Variants in FBXL7 observed in about 807,000 individuals in gnomAD.
FBXL7 encodes the protein F-box and leucine rich repeat protein 7, also known as F-box/LRR-repeat protein 7.
In FBXL7, 12 loss-of-function variants were observed where a neutral mutation model predicts 38.3. The observed-to-expected ratio is 0.31, with a 90% CI of 0.20 to 0.51. The LOEUF is 0.51. FBXL7 is among the 20% of genes least tolerant of loss of function. The pLI is 0.98. For missense variants in FBXL7, 567 were observed against 676.4 expected (o/e 0.84, Z 1.79); for synonymous variants, 297 against 300.9 (o/e 0.99, Z 0.13).
chr5:15,787,066 A>G (rs1420502196), intron 2 of FBXL7, among the ~76,000 whole-genome samples: 2 of 152,214 alleles, frequency 1.3e-5, no homozygotes, highest in Admixed American at 6.5e-5. Flanking sequence ...TGGGGCCACC[A>G]GCAGCTGGAA....
chr5:15,817,679 C>T (rs1738054929), intron 2 of FBXL7, among the ~76,000 whole-genome samples: 2 of 152,094 alleles, frequency 1.3e-5, no homozygotes, highest in South Asian at 4.1e-4. Flanking sequence ...CCATAAAAGG[C>T]AGTTCCCCTG....
intron 2 of FBXL7, among the ~76,000 whole-genome samples, chr5:15,888,004 GAAT>G (rs1351557501): frequency 6.6e-6 from 1 of 152,056 alleles, no homozygotes; most frequent in Non-Finnish European, 1.5e-5. Flanking sequence ...CAAAAGTTCA[GAAT>G]ATCCTTGAAC....
chr5:15,872,446 G>T (rs1199018130), intron 2 of FBXL7, among the ~76,000 whole-genome samples: 1 of 152,090 alleles, frequency 6.6e-6, no homozygotes, highest in Non-Finnish European at 1.5e-5. Context: ...AACCTTAAAT[G>T]TAAATGGACT....
chr5:15,617,208 G>T (rs2126520877), intron 2 of FBXL7, among the ~76,000 whole-genome samples: 1 of 152,314 alleles, frequency 6.6e-6, no homozygotes, highest in Middle Eastern at 3.4e-3. Context: ...TTTACAACTG[G>T]ATTATATTCT....
chr5:15,858,668 C>T (rs1175652280), intron 2 of FBXL7, among the ~76,000 whole-genome samples: 1 of 152,160 alleles, frequency 6.6e-6, no homozygotes. Context: ...AGGGAGCAAG[C>T]TACCTCGGCC....
At chr5:15,921,593 G>A (rs1352682343) in intron 2 of FBXL7, among the ~76,000 whole-genome samples, 1 of 152,094 alleles carries the variant, frequency 6.6e-6, no homozygotes, top group East Asian at 1.9e-4. Context: ...CTGCCTGCTG[G>A]AAGATAAGGG....
Position 15,936,598 on chromosome 5 carries a change from C to T in FBXL7, c.888C>T (p.His296=), listed in dbSNP as rs758947908. 9 of 1,611,212 alleles carry T rather than the reference C, an allele frequency of 5.6e-6. No homozygotes were observed. In the South Asian group the frequency reaches 9.9e-5, roughly 18 times the overall value. ...EDEGLHTIAA[H]CTQLTHLYLR... ...AAGGCCTGCACACCATCGCGGCGCA[C>T]TGCACGCAGCTCACCCACCTCTACC... is the stretch of plus-strand genomic sequence containing the variant. Residue 296 remains histidine, a synonymous_variant, in exon 4 of 4, where the codon CAC becomes CAT. Coordinates refer to ENST00000504595, the MANE Select transcript of FBXL7 (RefSeq NM_012304.5). This position sits in a 1 kb window ranked among gnomAD's most constrained non-coding sequence, Gnocchi z 6.0.
chr5:15,867,556 GC>G (rs1333950103), intron 2 of FBXL7, among the ~76,000 whole-genome samples: 3 of 152,128 alleles, frequency 2.0e-5, no homozygotes, highest in Non-Finnish European at 4.4e-5. Flanking sequence ...TACAATAATG[GC>G]CCCCAAAGTG....
intron 2 of FBXL7, among the ~76,000 whole-genome samples, chr5:15,859,497 A>C: frequency 6.6e-6 from 1 of 152,202 alleles, no homozygotes; most frequent in Non-Finnish European, 1.5e-5. Context: ...TGATAAAGGA[A>C]AGGGTTTTAA....
chr5:15,519,198 GC>G (rs1376677150), intron 1 of FBXL7, among the ~76,000 whole-genome samples: 2 of 152,028 alleles, frequency 1.3e-5, no homozygotes, highest in Non-Finnish European at 2.9e-5. Context: ...AAAAAAATTA[GC>G]TGGGTGTGGT....
intron 2 of FBXL7, among the ~76,000 whole-genome samples, chr5:15,657,665 C>A (rs1401625397): frequency 1.3e-5 from 2 of 152,050 alleles, no homozygotes; most frequent in Non-Finnish European, 2.9e-5. Flanking sequence ...GAAACCAACA[C>A]TGTCTCTACT....
intron 2 of FBXL7, among the ~76,000 whole-genome samples, chr5:15,838,368 G>A (rs1383409238): frequency 1.3e-5 from 2 of 152,056 alleles, no homozygotes; most frequent in South Asian, 2.1e-4. Context: ...TCATATTGTG[G>A]AAGATGCGAG....
chr5:15,647,759 T>C (rs557074595), intron 2 of FBXL7, among the ~76,000 whole-genome samples: 1 of 152,322 alleles, frequency 6.6e-6, no homozygotes, highest in African/African-American at 2.4e-5. Context: ...TCATGGATGA[T>C]ATATAAAGGT....
At chr5:15,626,804 A>G (rs1292742504) in intron 2 of FBXL7, among the ~76,000 whole-genome samples, 2 of 152,194 alleles carry the variant, frequency 1.3e-5, no homozygotes, top group East Asian at 1.9e-4. Flanking sequence ...TGGTTCATCT[A>G]AGTACATCTA....
At chr5:15,616,522 A>C (rs1740459675) in intron 2 of FBXL7, among the ~76,000 whole-genome samples, 1 of 152,188 alleles carries the variant, frequency 6.6e-6, no homozygotes, top group African/African-American at 2.4e-5. Context: ...AATCTCCAAA[A>C]TTTGGGAGTA....
intron 2 of FBXL7, among the ~76,000 whole-genome samples, chr5:15,810,799 C>T (rs1258102431): frequency 6.6e-6 from 1 of 152,074 alleles, no homozygotes; most frequent in Admixed American, 6.6e-5. Context: ...CTTTCTCTTC[C>T]CAACTCTAAA....
intron 2 of FBXL7, among the ~76,000 whole-genome samples, chr5:15,769,589 G>A (rs1464640144): frequency 5.3e-5 from 8 of 152,114 alleles, no homozygotes; most frequent in Non-Finnish European, 7.4e-5. Context: ...AAATGCACAC[G>A]CAAAATACTA....
At chr5:15,682,092 C>T (rs1001769328) in intron 2 of FBXL7, among the ~76,000 whole-genome samples, 2 of 152,160 alleles carry the variant, frequency 1.3e-5, no homozygotes, top group African/African-American at 2.4e-5. Flanking sequence ...TATCATAGAC[C>T]AAGGTGGTCA....
chr5:15,512,644 A>G (rs148995576), intron 1 of FBXL7, among the ~76,000 whole-genome samples: 93 of 152,330 alleles, frequency 6.1e-4, no homozygotes, highest in African/African-American at 2.1e-3. Flanking sequence ...ACACCCTCTT[A>G]TAGATGAAAA....
Sources: gnomAD v4.1 joint callset for allele counts (sites outside exome capture counted in the v4.1 genomes callset) on GRCh38, gnomAD v4.1.1 for gene constraint, Gnocchi (gnomAD v3.1) non-coding constraint, MANE v1.5 for transcripts, NCBI Gene and HGNC (gene_info 2026-07-23, HGNC 2026-07-21) for gene names.